Variants in BAIAP2L1 observed in about 807,000 individuals in gnomAD.
BAIAP2L1 encodes BAR/IMD domain-containing adapter protein 2-like 1.
In BAIAP2L1, 35 loss-of-function variants were observed where a neutral mutation model predicts 66.3. The observed-to-expected ratio is 0.53, with a 90% CI of 0.40 to 0.70. The LOEUF (loss-of-function observed/expected upper bound fraction) is 0.70, where lower values mean the gene tolerates loss of function less well. Among genes scored for constraint, BAIAP2L1 ranks in the 30% least tolerant of loss-of-function variants. The pLI is 0.00. For missense variants in BAIAP2L1, 622 were observed against 656.9 expected (o/e 0.95, Z 0.58); for synonymous variants, 269 against 248.7 (o/e 1.08, Z -0.77).
At chr7:98,308,024 C>A (rs1800726883) in intron 9 of BAIAP2L1, 128 bp from the exon 10 acceptor site, 1 of 900,962 alleles carries the variant, frequency 1.1e-6, no homozygotes, top group Admixed American at 1.9e-5. Context: ...CGGAAACTGA[C>A]CCTGTCCTAT....
At chr7:98,370,536 G>A (rs886843550) in intron 1 of BAIAP2L1, among the ~76,000 whole-genome samples, 38 of 151,550 alleles carry the variant, frequency 2.5e-4, no homozygotes, top group South Asian at 1.0e-3. Context: ...ACAGAGTCTC[G>A]CACTGTCGCC....
At chr7:98,395,583 T>C (rs1364668636) in intron 1 of BAIAP2L1, among the ~76,000 whole-genome samples, 1 of 152,156 alleles carries the variant, frequency 6.6e-6, no homozygotes, top group African/African-American at 2.4e-5. Flanking sequence ...TTTGTGACAA[T>C]TTAGTGAGCT....
intron 1 of BAIAP2L1, among the ~76,000 whole-genome samples, chr7:98,364,452 G>A (rs1245138461): frequency 6.6e-6 from 1 of 152,108 alleles, no homozygotes; most frequent in Non-Finnish European, 1.5e-5. Context: ...TGGCTTGACT[G>A]TCACGATTGC....
At chr7:98,371,733 T>C (rs1432015836) in intron 1 of BAIAP2L1, among the ~76,000 whole-genome samples, 2 of 152,204 alleles carry the variant, frequency 1.3e-5, no homozygotes, top group African/African-American at 2.4e-5. Context: ...ATTAATTCAA[T>C]TATGACTAGC....
intron 3 of BAIAP2L1, among the ~76,000 whole-genome samples, chr7:98,347,614 A>G (rs1184235984): frequency 6.6e-6 from 1 of 152,076 alleles, no homozygotes; most frequent in Admixed American, 6.6e-5. Context: ...CCTCTACTAA[A>G]AATACAAAAA....
intron 9 of BAIAP2L1, chr7:98,308,170 G>A: frequency 1.7e-6 from 1 of 595,152 alleles, no homozygotes; most frequent in South Asian, 1.5e-5. Context: ...GGACAAGGCG[G>A]TGTGTGCCGG....
At chr7:98,357,117 G>A (rs1427651344) in intron 2 of BAIAP2L1, among the ~76,000 whole-genome samples, 5 of 125,984 alleles carry the variant, frequency 4.0e-5, no homozygotes, top group Non-Finnish European at 8.0e-5. Flanking sequence ...GAACTCCTGG[G>A]TTCAAGGGAT....
chr7:98,299,972 T>C (rs1256114549), intron 12 of BAIAP2L1, among the ~76,000 whole-genome samples: 1 of 152,052 alleles, frequency 6.6e-6, no homozygotes, highest in Non-Finnish European at 1.5e-5. Flanking sequence ...GCCCGGGAAG[T>C]GGAGGTTGCT....
At chr7:98,350,609 A>G (rs1460849833) in intron 3 of BAIAP2L1, among the ~76,000 whole-genome samples, 2 of 152,216 alleles carry the variant, frequency 1.3e-5, no homozygotes. Context: ...CAGTGAGTCA[A>G]GATCGCGCCA....
chr7:98,387,364 A>G (rs1301903367), intron 1 of BAIAP2L1, among the ~76,000 whole-genome samples: 1 of 152,162 alleles, frequency 6.6e-6, no homozygotes, highest in African/African-American at 2.4e-5. Flanking sequence ...AGCTGCGGGA[A>G]GAACTCATGT....
At chr7:98,335,775 C>T (rs1050383798) in intron 3 of BAIAP2L1, among the ~76,000 whole-genome samples, 1 of 152,196 alleles carries the variant, frequency 6.6e-6, no homozygotes, top group African/African-American at 2.4e-5. Flanking sequence ...CCCTGAAGGA[C>T]CACCGGGACA....
At chr7:98,352,567 T>C (rs1802023200) in intron 3 of BAIAP2L1, among the ~76,000 whole-genome samples, 1 of 152,034 alleles carries the variant, frequency 6.6e-6, no homozygotes, top group Non-Finnish European at 1.5e-5. Flanking sequence ...GCTTGAACCC[T>C]GGAGGCAGAG....
At chr7:98,374,919 C>CT (rs1431636026) in intron 1 of BAIAP2L1, among the ~76,000 whole-genome samples, 5 of 151,900 alleles carry the variant, frequency 3.3e-5, no homozygotes, top group African/African-American at 1.2e-4. Flanking sequence ...AACCCTGTCT[C>CT]TACCAAAAAT....
At chr7:98,323,656 G>C (rs546139760) in intron 3 of BAIAP2L1, among the ~76,000 whole-genome samples, 20 of 152,328 alleles carry the variant, frequency 1.3e-4, no homozygotes, top group South Asian at 1.0e-3. Context: ...CCTGCCCGTG[G>C]CTTCCCGCAG....
chr7:98,371,529 C>T (rs976059567), intron 1 of BAIAP2L1, among the ~76,000 whole-genome samples: 1 of 152,188 alleles, frequency 6.6e-6, no homozygotes, highest in African/African-American at 2.4e-5. Flanking sequence ...GCCCTGTTTA[C>T]CTCGGCATTT....
intron 1 of BAIAP2L1, among the ~76,000 whole-genome samples, chr7:98,368,999 C>T (rs1254323422): frequency 1.3e-5 from 2 of 150,818 alleles, no homozygotes; most frequent in African/African-American, 4.9e-5. Flanking sequence ...TCAATGGCTG[C>T]GTCACATGGT....
chr7:98,363,736 G>A (rs1479995964), intron 1 of BAIAP2L1, among the ~76,000 whole-genome samples: 5 of 152,004 alleles, frequency 3.3e-5, no homozygotes, highest in Middle Eastern at 3.2e-3. Flanking sequence ...AAGTCTCACC[G>A]ACCCCTTCCC....
chr7:98,299,535 TAG>T (rs1304111279), intron 12 of BAIAP2L1, among the ~76,000 whole-genome samples: 3 of 151,968 alleles, frequency 2.0e-5, no homozygotes, highest in African/African-American at 7.3e-5. Flanking sequence ...TTTTTATATA[TAG>T]AGAGAGATGG....
At chr7:98,375,600 T>G (rs1802607658) in intron 1 of BAIAP2L1, among the ~76,000 whole-genome samples, 1 of 150,966 alleles carries the variant, frequency 6.6e-6, no homozygotes, top group South Asian at 2.1e-4. Flanking sequence ...AAATATAAAA[T>G]TAGCCAGGCA....
Sources: gnomAD v4.1 joint callset for allele counts (sites outside exome capture counted in the v4.1 genomes callset) on GRCh38, gnomAD v4.1.1 for gene constraint, MANE v1.5 for transcripts, NCBI Gene and HGNC (gene_info 2026-07-23, HGNC 2026-07-21) for gene names.